ULK4: variants seen among roughly 807,000 people sequenced by gnomAD.
The protein encoded by ULK4 is inactive serine/threonine-protein kinase ULK4.
A neutral mutation model predicts 160.6 loss-of-function variants in ULK4; 133 were observed. The observed-to-expected ratio is 0.83, with a 90% CI of 0.72 to 0.96. ULK4 has a LOEUF of 0.96. Among genes scored for constraint, ULK4 ranks in the 40% least tolerant of loss-of-function variants. The probability of loss-of-function intolerance (pLI) is 0.00; values close to 1 mark genes in which losing one functional copy is unlikely to be tolerated. For synonymous variants in ULK4, 534 were observed against 539.8 expected (o/e 0.99, Z 0.15); for missense variants, 1,580 against 1,499.5 (o/e 1.05, Z -0.89).
chr3:41,671,604 A>T lies in ULK4; in HGVS notation c.2979-7905T>A, dbSNP rs115537093. Among the ~76,000 whole-genome samples, 1,074 of 152,254 alleles carry T rather than the reference A, an allele frequency of 7.1e-3. 16 individuals carry two copies. Among genetic ancestry groups the T allele is most frequent in the African/African-American group, 0.024 (1,018 of 41,578 alleles). ...AATCACAATAAAGACATAAGACCTGAAAGTATAAAACCACTAAAAGAAAAC... is the reference window on the plus strand; with the variant it reads ...AATCACAATAAAGACATAAGACCTGTAAGTATAAAACCACTAAAAGAAAAC... On this transcript the variant is annotated intron_variant, in intron 29 of 36. Coordinates refer to ENST00000301831, the MANE Select transcript of ULK4 (RefSeq NM_017886.4).
At chr3:41,704,951 A>G in intron 27 of ULK4, 106 bp downstream of exon 27, 2 of 775,014 alleles carry the variant, frequency 2.6e-6, no homozygotes, top group Non-Finnish European at 4.0e-6. Flanking sequence ...TGGTTATTTC[A>G]TGTGAGGAAC....
chr3:41,709,672 AC>A (rs1247449026), intron 25 of ULK4, among the ~76,000 whole-genome samples: 4 of 152,206 alleles, frequency 2.6e-5, no homozygotes, highest in Admixed American at 2.6e-4. Context: ...GGCGTGAGCC[AC>A]CATGCCTGGC....
At chr3:41,955,279 G>T (rs1343019513) in intron 1 of ULK4, among the ~76,000 whole-genome samples, 1 of 152,232 alleles carries the variant, frequency 6.6e-6, no homozygotes, top group African/African-American at 2.4e-5. Context: ...GACAAGGAGA[G>T]ACTCCAACTC....
intron 17 of ULK4, among the ~76,000 whole-genome samples, chr3:41,874,077 GC>G (rs1318241207): frequency 6.6e-6 from 1 of 151,982 alleles, no homozygotes; most frequent in African/African-American, 2.4e-5. Flanking sequence ...CTCAGAAAGT[GC>G]AACAAGTGCT....
At chr3:41,342,518 G>A (rs1045386135) in intron 35 of ULK4, among the ~76,000 whole-genome samples, 1 of 152,146 alleles carries the variant, frequency 6.6e-6, no homozygotes, top group East Asian at 1.9e-4. Flanking sequence ...TTCTGGAATT[G>A]AGGTTGTAAT....
At chr3:41,545,939 T>C (rs2086845539) in intron 32 of ULK4, among the ~76,000 whole-genome samples, 1 of 152,198 alleles carries the variant, frequency 6.6e-6, no homozygotes, top group African/African-American at 2.4e-5. Context: ...GACTTTTATA[T>C]GGTTCTTCTT....
chr3:41,735,141 G>A (rs1264751192), intron 22 of ULK4, among the ~76,000 whole-genome samples: 4 of 152,168 alleles, frequency 2.6e-5, no homozygotes, highest in Non-Finnish European at 5.9e-5. Flanking sequence ...GGCATTTGGG[G>A]AATATTAATC....
intron 35 of ULK4, among the ~76,000 whole-genome samples, chr3:41,331,093 G>C (rs2080433757): frequency 6.6e-6 from 1 of 152,164 alleles, no homozygotes; most frequent in African/African-American, 2.4e-5. Context: ...TAGCCACTTG[G>C]GTGAAAGAAG....
intron 31 of ULK4, among the ~76,000 whole-genome samples, chr3:41,592,850 T>C (rs566907668): frequency 2.0e-5 from 3 of 152,192 alleles, no homozygotes; most frequent in South Asian, 4.1e-4. Context: ...AATTTTATCC[T>C]TTGTGCTTTC....
chr3:41,592,825 C>G (rs2031444453), intron 31 of ULK4, among the ~76,000 whole-genome samples: 1 of 152,164 alleles, frequency 6.6e-6, no homozygotes, highest in Non-Finnish European at 1.5e-5. Flanking sequence ...CCTTGGGGAA[C>G]TGCCATACTC....
chr3:41,703,235 G>A (rs549001543), intron 27 of ULK4, among the ~76,000 whole-genome samples: 478 of 33,448 alleles, frequency 0.014, 4 homozygotes, highest in Middle Eastern at 0.048. Flanking sequence ...TGCAAAATAT[G>A]TATTTTTTTT....
chr3:41,580,059 G>A (rs975685401), intron 31 of ULK4, among the ~76,000 whole-genome samples: 4 of 152,188 alleles, frequency 2.6e-5, no homozygotes, highest in African/African-American at 7.2e-5. Flanking sequence ...AAAGTACACA[G>A]AGTAACGGTG....
chr3:41,435,181 G>C (rs563431180), intron 34 of ULK4, among the ~76,000 whole-genome samples: 3 of 152,318 alleles, frequency 2.0e-5, no homozygotes, highest in Non-Finnish European at 4.4e-5. Flanking sequence ...TTACTTCTCT[G>C]TAAAGTGGGT....
intron 4 of ULK4, among the ~76,000 whole-genome samples, chr3:41,935,017 A>ATTTTTT (rs10635589): frequency 2.2e-4 from 25 of 112,884 alleles, no homozygotes; most frequent in East Asian, 5.1e-4. Context: ...TTATTTATTA[A>ATTTTTT]TTTTTTTTTT....
At chr3:41,421,209 A>G (rs2082657720) in intron 34 of ULK4, among the ~76,000 whole-genome samples, 1 of 152,046 alleles carries the variant, frequency 6.6e-6, no homozygotes, top group South Asian at 2.1e-4. Flanking sequence ...AGTAACAACA[A>G]ATTTTTTGTT....
At chr3:41,336,587 G>A (rs967519517) in intron 35 of ULK4, among the ~76,000 whole-genome samples, 4 of 152,176 alleles carry the variant, frequency 2.6e-5, no homozygotes, top group African/African-American at 4.8e-5. Context: ...ATTCAAAGGC[G>A]CAGAAGAAGA....
At chr3:41,486,339 A>G (rs1227073605) in intron 32 of ULK4, among the ~76,000 whole-genome samples, 1 of 152,214 alleles carries the variant, frequency 6.6e-6, no homozygotes, top group Non-Finnish European at 1.5e-5. Flanking sequence ...TTTGTTGCCA[A>G]TGAATCATTA....
intron 17 of ULK4, among the ~76,000 whole-genome samples, chr3:41,882,743 C>G (rs551073705): frequency 2.5e-4 from 38 of 152,320 alleles, no homozygotes; most frequent in African/African-American, 9.1e-4. Context: ...CCTCTAAAAT[C>G]TTGGCACTTT....
At chr3:41,400,735 T>A (rs1057462037) in intron 34 of ULK4, among the ~76,000 whole-genome samples, 2 of 152,196 alleles carry the variant, frequency 1.3e-5, no homozygotes, top group African/African-American at 2.4e-5. Context: ...TTTAGTTTTT[T>A]AAGAAACTGT....
Sources: allele counts gnomAD v4.1 joint callset (sites outside exome capture counted in the v4.1 genomes callset), GRCh38; gene constraint gnomAD v4.1.1; transcripts MANE v1.5; gene names NCBI Gene and HGNC (gene_info 2026-07-23, HGNC 2026-07-21).